Variants in CBFA2T2 observed in about 807,000 individuals in gnomAD.
The protein encoded by CBFA2T2 is CBFA2/RUNX1 partner transcriptional co-repressor 2.
In CBFA2T2, 11 loss-of-function variants were observed where a neutral mutation model predicts 62.2. The ratio of observed to expected loss-of-function variants is 0.18; its 90% confidence interval spans 0.11 to 0.29. The LOEUF (loss-of-function observed/expected upper bound fraction) is 0.29. Among genes scored for constraint, CBFA2T2 ranks in the 10% least tolerant of loss-of-function variants. The probability of loss-of-function intolerance (pLI) is 1.00; values close to 1 mark genes in which losing one functional copy is unlikely to be tolerated. For synonymous variants in CBFA2T2, 295 were observed against 287.5 expected (o/e 1.03, Z -0.27); for missense variants, 592 against 774.1 (o/e 0.76, Z 2.79).
At chr20:33,565,438 T>C (rs2013269706) in intron 1 of CBFA2T2, among the ~76,000 whole-genome samples, 1 of 152,170 alleles carries the variant, frequency 6.6e-6, no homozygotes, top group African/African-American at 2.4e-5. Context: ...CTTAATGCTT[T>C]TCTGTAGGAT....
chr20:33,571,016 C>CT (rs1295482385), intron 1 of CBFA2T2, among the ~76,000 whole-genome samples: 1 of 152,176 alleles, frequency 6.6e-6, no homozygotes, highest in Non-Finnish European at 1.5e-5. Context: ...TTCTTCATGT[C>CT]TAAAGTAAGG....
At chr20:33,562,802 C>G (rs1481328367) in intron 1 of CBFA2T2, 1 of 454,354 alleles carries the variant, frequency 2.2e-6, no homozygotes, top group African/African-American at 2.1e-5. Flanking sequence ...TTCAGCCTTT[C>G]TACTCAGTTT....
chr20:33,530,402 C>T (rs942151461), intron 1 of CBFA2T2, among the ~76,000 whole-genome samples: 4 of 152,104 alleles, frequency 2.6e-5, no homozygotes, highest in Non-Finnish European at 5.9e-5. Context: ...ATTGAACCAG[C>T]TTTTAGGTCT....
chr20:33,501,453 A>G (rs1454698638), intron 1 of CBFA2T2, among the ~76,000 whole-genome samples: 1 of 152,084 alleles, frequency 6.6e-6, no homozygotes, highest in Non-Finnish European at 1.5e-5. Flanking sequence ...TATGTCTGGG[A>G]CTAAAGGTGG....
chr20:33,513,341 A>G (rs2011541525), intron 1 of CBFA2T2, among the ~76,000 whole-genome samples: 1 of 151,094 alleles, frequency 6.6e-6, no homozygotes, highest in Admixed American at 6.6e-5. Context: ...ATAGACCGTA[A>G]TGGGTTTTTT....
At chr20:33,638,149 A>G (rs1258793795) in intron 9 of CBFA2T2, among the ~76,000 whole-genome samples, 2 of 150,536 alleles carry the variant, frequency 1.3e-5, no homozygotes, top group South Asian at 2.1e-4. Context: ...TAATTTTTGT[A>G]TTTTTAGTAG....
At chr20:33,641,225 G>A (rs2016827423) in intron 10 of CBFA2T2, among the ~76,000 whole-genome samples, 1 of 151,958 alleles carries the variant, frequency 6.6e-6, no homozygotes, top group African/African-American at 2.4e-5. Flanking sequence ...GTAGAGACGG[G>A]GTTTCACCGT....
chr20:33,595,130 T>C (rs1166345495), intron 1 of CBFA2T2, among the ~76,000 whole-genome samples: 1 of 152,260 alleles, frequency 6.6e-6, no homozygotes. Flanking sequence ...ATAATTAGCA[T>C]TGGAAGAGAC....
chr20:33,496,173 C>T (rs1008066850), intron 1 of CBFA2T2, among the ~76,000 whole-genome samples: 5 of 152,136 alleles, frequency 3.3e-5, no homozygotes, highest in African/African-American at 1.2e-4. Flanking sequence ...AGAAGGGAGG[C>T]TTTTCCCAGG....
intron 1 of CBFA2T2, among the ~76,000 whole-genome samples, chr20:33,564,355 C>T (rs993841700): frequency 3.3e-5 from 5 of 151,382 alleles, no homozygotes; most frequent in Non-Finnish European, 4.4e-5. Context: ...CTCCACCTCC[C>T]GGGTTCAAGC....
intron 1 of CBFA2T2, among the ~76,000 whole-genome samples, chr20:33,524,149 T>C (rs2011816751): frequency 6.6e-6 from 1 of 151,816 alleles, no homozygotes; most frequent in Non-Finnish European, 1.5e-5. Flanking sequence ...ATTATTATTA[T>C]TATTAAAAGA....
intron 8 of CBFA2T2, among the ~76,000 whole-genome samples, chr20:33,633,226 G>A (rs1464445888): frequency 1.3e-5 from 2 of 152,022 alleles, no homozygotes; most frequent in African/African-American, 2.4e-5. Context: ...AAAAAAGTTA[G>A]CCAGGCATGG....
In CBFA2T2 at chr20:33,547,687, ATGTGTGTG is replaced by A. The variant is rs60988030; in HGVS notation, c.34+57422_34+57429del. On this transcript the variant is annotated intron_variant, in intron 1 of 10. Coordinates refer to ENST00000342704, the MANE Select transcript of CBFA2T2 (RefSeq NM_001032999.3). ...CAGAGCGAGACCCTGTCTCAAAAAA[ATGTGTGTG>A]TGTGTGTGTGTGTGTGTGTGTGTGT... Among the ~76,000 whole-genome samples, 1,231 of 139,170 alleles carry A rather than the reference ATGTGTGTG, an allele frequency of 8.8e-3. 16 individuals are homozygous for A. The highest frequency in any genetic ancestry group is 0.025 in the African/African-American group (943 of 37,040). The allele number at this position is 139,170 out of a possible 152,430, so 91.3% of individuals were successfully genotyped here. A position where few individuals can be genotyped will look rare whatever the true frequency, so the allele number is the denominator to read the frequency against.
At chr20:33,618,934 C>T (rs935226784) in intron 3 of CBFA2T2, among the ~76,000 whole-genome samples, 2 of 152,180 alleles carry the variant, frequency 1.3e-5, no homozygotes, top group Non-Finnish European at 2.9e-5. Context: ...TATTCTGCAG[C>T]CTAGGCTGCT....
At chr20:33,560,621 A>G (rs944839529) in intron 1 of CBFA2T2, among the ~76,000 whole-genome samples, 26 of 152,346 alleles carry the variant, frequency 1.7e-4, no homozygotes, top group African/African-American at 6.3e-4. Flanking sequence ...CTTGACAGAA[A>G]TAGCCTTCCT....
intron 1 of CBFA2T2, among the ~76,000 whole-genome samples, chr20:33,605,343 A>G (rs2015299686): frequency 6.6e-6 from 1 of 152,188 alleles, no homozygotes; most frequent in African/African-American, 2.4e-5. Context: ...TGAATTCAGC[A>G]GTTATTGGAG....
chr20:33,493,068 G>GTTTTTTTTTT (rs1157324208), intron 1 of CBFA2T2, among the ~76,000 whole-genome samples: 1 of 88,080 alleles, frequency 1.1e-5, no homozygotes, highest in Non-Finnish European at 2.2e-5. Flanking sequence ...TGAAGTTTTG[G>GTTTTTTTTTT]TTTTTTTTTT....
At chr20:33,492,640 G>C (rs1158068755) in intron 1 of CBFA2T2, among the ~76,000 whole-genome samples, 3 of 151,304 alleles carry the variant, frequency 2.0e-5, no homozygotes, top group African/African-American at 7.3e-5. Flanking sequence ...TCAGCCACTT[G>C]AGTAGCTGGG....
At chr20:33,544,948 AAT>A (rs2012501374) in intron 1 of CBFA2T2, among the ~76,000 whole-genome samples, 1 of 17,148 alleles carries the variant, frequency 5.8e-5, no homozygotes, top group Non-Finnish European at 1.7e-4. Context: ...AATAGAACAG[AAT>A]AGAATAGAAT....
Sources: allele counts gnomAD v4.1 joint callset (sites outside exome capture counted in the v4.1 genomes callset), GRCh38; gene constraint gnomAD v4.1.1; transcripts MANE v1.5; gene names NCBI Gene and HGNC (gene_info 2026-07-23, HGNC 2026-07-21).